CPA4: variants seen among roughly 807,000 people sequenced by gnomAD.
CPA4 encodes carboxypeptidase A3.
CPA4 carries 49 observed loss-of-function variants against 54.7 expected under a neutral mutation model. That is an observed-to-expected ratio of 0.90 (90% confidence interval 0.71 to 1.14). The LOEUF (loss-of-function observed/expected upper bound fraction) is 1.14. CPA4 is among the 50% of genes most tolerant of loss of function. CPA4 has a pLI of 0.00. For synonymous variants in CPA4, 215 were observed against 206.8 expected (o/e 1.04, Z -0.34); for missense variants, 487 against 525.1 (o/e 0.93, Z 0.71).
intron 3 of CPA4, among the ~76,000 whole-genome samples, chr7:130,300,037 T>G (rs1050343804): frequency 6.6e-6 from 1 of 152,204 alleles, no homozygotes; most frequent in Non-Finnish European, 1.5e-5. Context: ...AGGTGGGTTA[T>G]GGACTAATTG....
At position 130,310,812 on chromosome 7, in the gene CPA4, C is replaced by G; in HGVS notation, c.819C>G (p.Cys273Trp). 6.2e-7 allele frequency: 1 copy of G among 1,614,198 alleles called. No homozygotes were observed. Among genetic ancestry groups the G allele is most frequent in the East Asian group, 2.2e-5 (1 of 44,886 alleles). Residue 273 changes from cysteine (C) to tryptophan (W), a missense_variant, in exon 9 of 11, where the codon TGC (cysteine) becomes TGG (tryptophan). Coordinates refer to ENST00000222482, the MANE Select transcript of CPA4 (RefSeq NM_016352.4). This position sits in a 1 kb window ranked among gnomAD's most constrained non-coding sequence, Gnocchi z 4.3. ...GAAAGGGAGCCAGCGACAACCCTTG[C>G]TCCGAAGTGTACCATGGACCCCACG... ...FAGKGASDNP[C>W]SEVYHGPHAN...
At chr7:130,322,007 C>T (rs1306691318) in intron 10 of CPA4, among the ~76,000 whole-genome samples, 1 of 152,154 alleles carries the variant, frequency 6.6e-6, no homozygotes, top group Non-Finnish European at 1.5e-5. Context: ...AGTGAGTAAT[C>T]CAAGAGACAG....
At chr7:130,307,424 G>A (rs1186608367) in intron 7 of CPA4, among the ~76,000 whole-genome samples, 2 of 152,020 alleles carry the variant, frequency 1.3e-5, no homozygotes, top group African/African-American at 2.4e-5. Context: ...GAGGTCAGGA[G>A]ATCGAGACCA....
intron 10 of CPA4, 44 bp from the exon 11 acceptor site, chr7:130,322,445 G>A: frequency 6.4e-7 from 1 of 1,555,552 alleles, no homozygotes; most frequent in Non-Finnish European, 8.8e-7. Context: ...ATCTAACCCA[G>A]GAGGGAACTG....
In CPA4 at chr7:130,306,237, G is replaced by A. The variant is rs146965486; in HGVS notation, c.591+317G>A. On this transcript the variant is annotated intron_variant, in intron 6 of 10. Transcript: ENST00000222482. ...CCCCATAGACCCTCGGGGACCTCAC[G>A]CCATCTCCATCTCCTAGAAAGGCTG... The A allele has an allele frequency of 1.0e-3, 362 of 350,766 alleles. 1 individual carries two copies. The highest frequency in any genetic ancestry group is 4.3e-3 in the African/African-American group (206 of 47,452). 21.7% of individuals were successfully genotyped at this position (350,766 alleles called of 1,614,324 possible).
intron 10 of CPA4, among the ~76,000 whole-genome samples, chr7:130,315,312 G>A (rs1409079874): frequency 2.6e-5 from 4 of 152,200 alleles, no homozygotes; most frequent in East Asian, 1.9e-4. Flanking sequence ...TCTTTTGGAC[G>A]TGAGTTTAAA....
intron 10 of CPA4, among the ~76,000 whole-genome samples, chr7:130,312,645 T>A (rs902998123): frequency 1.3e-5 from 2 of 152,172 alleles, no homozygotes; most frequent in African/African-American, 4.8e-5. Context: ...GCACAAGCCC[T>A]CTTCTTGTAA....
intron 5 of CPA4, among the ~76,000 whole-genome samples, chr7:130,304,982 T>C (rs1793797701): frequency 1.3e-5 from 2 of 152,212 alleles, no homozygotes; most frequent in Admixed American, 1.3e-4. Flanking sequence ...GTTGGTGTAA[T>C]TTTAAGCCCA....
chr7:130,317,745 G>A (rs1794012789), intron 10 of CPA4, among the ~76,000 whole-genome samples: 1 of 152,164 alleles, frequency 6.6e-6, no homozygotes. Context: ...GGGATTACAG[G>A]CGTGAGCCAC....
intron 8 of CPA4, 85 bp downstream of exon 8, chr7:130,308,482 C>A: frequency 9.3e-7 from 1 of 1,076,302 alleles, no homozygotes; most frequent in Non-Finnish European, 1.4e-6. Context: ...CGGGACGGAG[C>A]GCGTTTCCAC....
rs1446999117 is a variant in CPA4 at position 130,304,380 on chromosome 7, G to C, written c.385-98G>C. 2.0e-5 allele frequency: 16 copies of C among 813,908 alleles called. No homozygotes were observed. The East Asian group carries it at 2.7e-4, about 14-fold the overall frequency. 50.4% of individuals were successfully genotyped at this position (813,908 alleles called of 1,614,324 possible). On this transcript the variant is annotated intron_variant, in intron 4 of 10. Transcript: ENST00000222482. ...TGGTCAATTCCAAGATTAGGGTCCC[G>C]GAAGAGATAGTTAAGATCAACAAGG...
intron 10 of CPA4, among the ~76,000 whole-genome samples, chr7:130,318,780 A>C (rs1013900239): frequency 1.3e-5 from 2 of 150,344 alleles, no homozygotes; most frequent in Non-Finnish European, 3.0e-5. Context: ...TTGTTTTTTC[A>C]AAAAAAAAGC....
Position 130,312,055 on chromosome 7 carries a change from T to C in CPA4, c.1011T>C (p.Leu337=), listed in dbSNP as rs779579199. The C allele has an allele frequency of 6.2e-7, 1 of 1,614,132 alleles. No individual in the cohort carries two copies. Among genetic ancestry groups the C allele is most frequent in the Non-Finnish European group, 8.5e-7 (1 of 1,179,990 alleles). ...DAEELDKVAR[L]AAKALASVSG... is the part of the protein sequence containing the mutation. ...CTTCCCAGGACAAGGTGGCGAGGCT[T>C]GCGGCCAAAGCTCTGGCTTCTGTGT... Residue 337 remains leucine, a synonymous_variant, in exon 10 of 11, where the codon CTT becomes CTC. Transcript: ENST00000222482.
intron 10 of CPA4, among the ~76,000 whole-genome samples, chr7:130,320,945 T>C (rs1410525095): frequency 6.6e-6 from 1 of 152,218 alleles, no homozygotes; most frequent in African/African-American, 2.4e-5. Flanking sequence ...ACACCTTTAA[T>C]CCCAGCACCT....
chr7:130,298,048 G>T (rs1048729311), intron 1 of CPA4, among the ~76,000 whole-genome samples: 2 of 152,192 alleles, frequency 1.3e-5, no homozygotes, highest in South Asian at 2.1e-4. Flanking sequence ...CCGTAGGGAG[G>T]AGTGGATCCT....
intron 7 of CPA4, 71 bp from the exon 8 acceptor site, chr7:130,308,236 C>T: frequency 7.4e-7 from 1 of 1,343,386 alleles, no homozygotes. Context: ...TGCGTGTCAT[C>T]TCCACCCTAG....
chr7:130,299,589 A>G (rs1321260429), intron 3 of CPA4, 185 bp downstream of exon 3: 2 of 582,738 alleles, frequency 3.4e-6, no homozygotes, highest in Non-Finnish European at 6.1e-6. Context: ...TAGAAAGGGC[A>G]TAAATAGGCC....
At chr7:130,296,509 AT>A (rs1022047640) in intron 1 of CPA4, among the ~76,000 whole-genome samples, 9 of 152,048 alleles carry the variant, frequency 5.9e-5, no homozygotes, top group Admixed American at 2.6e-4. Context: ...GCGTAACATG[AT>A]TTTCATACTC....
At chr7:130,308,162 C>A in intron 7 of CPA4, 145 bp from the exon 8 acceptor site, 2 of 683,550 alleles carry the variant, frequency 2.9e-6, no homozygotes, top group Non-Finnish European at 5.3e-6. Flanking sequence ...GGAGAGACAA[C>A]TGCTCAATGA....
Sources: gnomAD v4.1 joint callset for allele counts (sites outside exome capture counted in the v4.1 genomes callset) on GRCh38, gnomAD v4.1.1 for gene constraint, Gnocchi (gnomAD v3.1) non-coding constraint, MANE v1.5 for transcripts, NCBI Gene and HGNC (gene_info 2026-07-23, HGNC 2026-07-21) for gene names.